The following NT5DC1 variants were observed in gnomAD, a reference collection of about 807,000 sequenced individuals.
NT5DC1 encodes 5'-nucleotidase domain containing 1.
In NT5DC1, 42 loss-of-function variants were observed where a neutral mutation model predicts 59.4. That is an observed-to-expected ratio of 0.71 (90% CI 0.55 to 0.92). The LOEUF (loss-of-function observed/expected upper bound fraction) is 0.92. Among genes scored for constraint, NT5DC1 ranks in the 40% least tolerant of loss-of-function variants. The pLI is 0.00. For synonymous variants in NT5DC1, 172 were observed against 188.1 expected (o/e 0.91, Z 0.70); for missense variants, 501 against 537.1 (o/e 0.93, Z 0.66).
At chr6:116,230,730 C>T (rs1782002657) in intron 8 of NT5DC1, among the ~76,000 whole-genome samples, 2 of 152,156 alleles carry the variant, frequency 1.3e-5, no homozygotes, top group Non-Finnish European at 2.9e-5. Flanking sequence ...TCTGCAGCTC[C>T]AGTCAGAGCT....
chr6:116,238,936 T>C lies in NT5DC1; in HGVS notation c.1084-19T>C. On this transcript the variant is annotated intron_variant, in intron 10 of 11. Coordinates refer to ENST00000319550, the MANE Select transcript of NT5DC1 (RefSeq NM_152729.3). ...CATTAGTTAATCACCATTTTAATTA[T>C]TCTGTTCTCTTGTTTCAGGGACCAA... The C allele has an allele frequency of 4.0e-6, 6 of 1,489,258 alleles. No individual in the cohort carries two copies. The highest frequency in any genetic ancestry group is 5.6e-6 in the Non-Finnish European group (6 of 1,071,896). 92.3% of individuals were successfully genotyped at this position (1,489,258 alleles called of 1,614,324 possible). A position where few individuals can be genotyped will look rare whatever the true frequency, so the allele number is the denominator to read the frequency against.
chr6:116,171,194 G>T (rs866625631), intron 6 of NT5DC1, among the ~76,000 whole-genome samples: 26 of 151,958 alleles, frequency 1.7e-4, no homozygotes, highest in Middle Eastern at 3.4e-3. Flanking sequence ...TTATATTATT[G>T]TCACCACTAC....
intron 6 of NT5DC1, among the ~76,000 whole-genome samples, chr6:116,149,871 A>G (rs1314101152): frequency 6.6e-6 from 1 of 152,232 alleles, no homozygotes; most frequent in Non-Finnish European, 1.5e-5. Flanking sequence ...GATTTGCACA[A>G]CAAACCAGCA....
At chr6:116,235,530 A>G (rs1270784238) in intron 8 of NT5DC1, among the ~76,000 whole-genome samples, 1 of 152,250 alleles carries the variant, frequency 6.6e-6, no homozygotes, top group African/African-American at 2.4e-5. Context: ...CTATAAATGT[A>G]GTTTTAGAAT....
In NT5DC1 at chr6:116,121,934, G is replaced by A. The variant is rs1229890315; in HGVS notation, c.529+3989G>A. 6.2e-7 allele frequency: 1 copy of A among 1,613,388 alleles called. No individual in the cohort carries two copies. The highest frequency in any genetic ancestry group is 1.7e-5 in the Admixed American group (1 of 60,010). On this transcript the variant is annotated intron_variant, in intron 6 of 11. Coordinates refer to ENST00000319550, the MANE Select transcript of NT5DC1 (RefSeq NM_152729.3). ...TCCAGCAGGGCCTGGTGGACCAGGAGTACCTTGCTCTCCTCTTACTGCTAT... is the reference window on the plus strand; with the variant it reads ...TCCAGCAGGGCCTGGTGGACCAGGAATACCTTGCTCTCCTCTTACTGCTAT...
At chr6:116,226,526 T>C (rs879608961) in intron 8 of NT5DC1, among the ~76,000 whole-genome samples, 1 of 152,084 alleles carries the variant, frequency 6.6e-6, no homozygotes, top group Non-Finnish European at 1.5e-5. Flanking sequence ...GGGTGGAGTT[T>C]TTAAAAAACG....
intron 6 of NT5DC1, among the ~76,000 whole-genome samples, chr6:116,207,454 C>T (rs1477427491): frequency 6.6e-6 from 1 of 151,474 alleles, no homozygotes; most frequent in Non-Finnish European, 1.5e-5. Context: ...AGTTTATAAC[C>T]TTATTTTTCA....
chr6:116,192,784 A>C (rs1221784855), intron 6 of NT5DC1, among the ~76,000 whole-genome samples: 2 of 152,002 alleles, frequency 1.3e-5, no homozygotes. Flanking sequence ...CATTTCCTCT[A>C]TTACGATTTC....
chr6:116,174,688 A>G (rs1582852673), intron 6 of NT5DC1, among the ~76,000 whole-genome samples: 1 of 152,168 alleles, frequency 6.6e-6, no homozygotes, highest in African/African-American at 2.4e-5. Flanking sequence ...TTATACAGGT[A>G]CTTGTTTTCT....
chr6:116,138,347 A>C (rs764051547), intron 6 of NT5DC1, among the ~76,000 whole-genome samples: 12 of 152,194 alleles, frequency 7.9e-5, no homozygotes, highest in Non-Finnish European at 1.8e-4. Flanking sequence ...TAATTCCAAG[A>C]ATAGCACTAC....
intron 6 of NT5DC1, among the ~76,000 whole-genome samples, chr6:116,155,401 CTT>C (rs1157474972): frequency 6.6e-6 from 1 of 152,088 alleles, no homozygotes; most frequent in African/African-American, 2.4e-5. Context: ...ACAAACATCT[CTT>C]TTGGAATTCA....
rs577242751 is a variant in NT5DC1, at chr6:116,179,104, G to A, written c.530-41950G>A. On this transcript the variant is annotated intron_variant, in intron 6 of 11. Coordinates refer to ENST00000319550, the MANE Select transcript of NT5DC1 (RefSeq NM_152729.3). ...TTCTTATTTATTTAACATAAGTAGA[G>A]ATATTTAGCTTCAGGAAGTGTCATT... Among the ~76,000 whole-genome samples the A allele has an allele frequency of 9.2e-5, 14 of 152,214 alleles. 1 individual carries two copies. In the South Asian group the frequency reaches 2.9e-3, roughly 32 times the overall value.
At position 116,170,963 on chromosome 6, in the gene NT5DC1, C is replaced by T. The variant is rs779640918; in HGVS notation, c.530-50091C>T. On this transcript the variant is annotated intron_variant, in intron 6 of 11. Coordinates refer to ENST00000319550, the MANE Select transcript of NT5DC1 (RefSeq NM_152729.3). Reference sequence around the variant, plus strand: ...CAAACCTCATTCTGTATTTGACCTGCCCATTCCTCCTCTGTGGTCTCATTT... The same window carrying T: ...CAAACCTCATTCTGTATTTGACCTGTCCATTCCTCCTCTGTGGTCTCATTT... Among the ~76,000 whole-genome samples, 115 of 152,290 alleles carry T rather than the reference C, an allele frequency of 7.6e-4. 3 individuals are homozygous for T. Among genetic ancestry groups the T allele is most frequent in the Middle Eastern group, 3.4e-3 (1 of 294 alleles).
intron 8 of NT5DC1, among the ~76,000 whole-genome samples, chr6:116,228,230 CG>C (rs2114549067): frequency 6.6e-6 from 1 of 152,240 alleles, no homozygotes; most frequent in South Asian, 2.1e-4. Flanking sequence ...TCATTTTGGC[CG>C]GGAGCGGTGG....
Position 116,243,989 on chromosome 6 carries a change from G to C in NT5DC1, c.1333G>C (p.Val445Leu), listed in dbSNP as rs750257440. 2.0e-6 allele frequency: 3 copies of C among 1,526,034 alleles called. No individual in the cohort carries two copies. In the East Asian group the frequency reaches 6.8e-5, roughly 35 times the overall value. The allele number at this position is 1,526,034 out of a possible 1,614,324, so 94.5% of individuals were successfully genotyped here. A position where few individuals can be genotyped will look rare whatever the true frequency, so the allele number is the denominator to read the frequency against. ...TAGYYPNPPL[V>L]LSSDETLISK ...TGGCTACTATCCAAATCCTCCACTGGTCTTATCAAGTGATGAGACACTGAT... is the reference window on the plus strand; with the variant it reads ...TGGCTACTATCCAAATCCTCCACTGCTCTTATCAAGTGATGAGACACTGAT... The change falls in exon 12 of 12, where the codon GTC becomes CTC. Residue 445 changes from valine (V) to leucine (L), a missense_variant. Coordinates refer to ENST00000319550, the MANE Select transcript of NT5DC1 (RefSeq NM_152729.3).
At chr6:116,149,460 A>C (rs1779980443) in intron 6 of NT5DC1, among the ~76,000 whole-genome samples, 1 of 152,218 alleles carries the variant, frequency 6.6e-6, no homozygotes, top group Non-Finnish European at 1.5e-5. Context: ...TACTAAGAGA[A>C]CACTAACCTA....
In NT5DC1 at chr6:116,119,877, A is replaced by G. The variant is rs182209892; in HGVS notation, c.529+1932A>G. ...CTTAAGATTGCTAACTAGAAATTCA[A>G]GAGAGGCTTCACATACGTTTTTACG... On this transcript the variant is annotated intron_variant, in intron 6 of 11. Transcript: ENST00000319550. 3.5e-3 allele frequency: 2,094 copies of G among 592,098 alleles called. 8 individuals carry two copies. The highest frequency in any genetic ancestry group is 4.6e-3 in the Non-Finnish European group (1,554 of 336,604). The allele number at this position is 592,098 out of a possible 1,614,324, so 36.7% of individuals were successfully genotyped here.
chr6:116,178,180 T>G (rs980110469), intron 6 of NT5DC1, among the ~76,000 whole-genome samples: 2 of 151,422 alleles, frequency 1.3e-5, no homozygotes, highest in African/African-American at 2.4e-5. Context: ...AAGTGAAAGT[T>G]AATTTGCTTG....
At chr6:116,140,326 G>A (rs1169635847) in intron 6 of NT5DC1, among the ~76,000 whole-genome samples, 3 of 152,126 alleles carry the variant, frequency 2.0e-5, no homozygotes, top group Non-Finnish European at 4.4e-5. Flanking sequence ...CTTTCTCAGA[G>A]TGGGAGCACC....
Sources: allele counts gnomAD v4.1 joint callset (sites outside exome capture counted in the v4.1 genomes callset), GRCh38; gene constraint gnomAD v4.1.1; transcripts MANE v1.5; gene names NCBI Gene and HGNC (gene_info 2026-07-23, HGNC 2026-07-21).